The following MLLT3 variants were observed in gnomAD, a reference collection of about 807,000 sequenced individuals.
MLLT3 encodes protein AF-9.
A neutral mutation model predicts 53.2 loss-of-function variants in MLLT3; 4 were observed. That is an observed-to-expected ratio of 0.08 (90% CI 0.04 to 0.17). MLLT3 has a LOEUF of 0.17. Among genes scored for constraint, MLLT3 ranks in the 10% least tolerant of loss-of-function variants. MLLT3 has a pLI of 1.00. For missense variants in MLLT3, 569 were observed against 684.0 expected, an observed-to-expected ratio of 0.83 and a Z score of 1.87; for synonymous variants, 283 against 230.6, an observed-to-expected ratio of 1.23 and a Z score of -2.06.
Position 20,439,540 on chromosome 9 carries a change from T to C in MLLT3, c.420+8583A>G, listed in dbSNP as rs12004720. Among the ~76,000 whole-genome samples, 1,364 of 152,010 alleles carry C rather than the reference T, an allele frequency of 9.0e-3. 14 individuals carry two copies. Among genetic ancestry groups the C allele is most frequent in the African/African-American group, 0.029 (1,206 of 41,444 alleles). On this transcript the variant is annotated intron_variant, in intron 4 of 10. Transcript: ENST00000380338. ...AGTTCTTTTGTTCTCAATGTTAAAATTTCTGGGTCTTAAGCCAGTAAGTTT... is the reference window on the plus strand; with the variant it reads ...AGTTCTTTTGTTCTCAATGTTAAAACTTCTGGGTCTTAAGCCAGTAAGTTT...
chr9:20,371,187 A>C (rs1821590317), intron 5 of MLLT3, among the ~76,000 whole-genome samples: 1 of 152,244 alleles, frequency 6.6e-6, no homozygotes. Context: ...CATAAGGTTT[A>C]GGGAAATAAG....
intron 4 of MLLT3, among the ~76,000 whole-genome samples, chr9:20,428,111 T>C (rs113002415): frequency 2.6e-5 from 4 of 152,182 alleles, no homozygotes; most frequent in South Asian, 2.1e-4. Context: ...CTCAGAAAGA[T>C]AGTTGCTAAA....
intron 2 of MLLT3, among the ~76,000 whole-genome samples, chr9:20,506,211 C>T (rs1395364319): frequency 1.3e-5 from 2 of 152,108 alleles, no homozygotes; most frequent in African/African-American, 4.8e-5. Flanking sequence ...CACACCACCA[C>T]GCCCAGCTAG....
At chr9:20,605,151 T>C (rs941355261) in intron 2 of MLLT3, among the ~76,000 whole-genome samples, 2 of 152,090 alleles carry the variant, frequency 1.3e-5, no homozygotes, top group Non-Finnish European at 2.9e-5. Context: ...ATAGAAGACC[T>C]AAAACAACTG....
At chr9:20,438,175 G>A (rs1823452239) in intron 4 of MLLT3, among the ~76,000 whole-genome samples, 2 of 152,192 alleles carry the variant, frequency 1.3e-5, no homozygotes, top group Non-Finnish European at 2.9e-5. Context: ...CAAGAAAGAT[G>A]TATTTATTAT....
intron 2 of MLLT3, among the ~76,000 whole-genome samples, chr9:20,613,387 T>C (rs980732167): frequency 6.6e-6 from 1 of 152,186 alleles, no homozygotes; most frequent in Non-Finnish European, 1.5e-5. Flanking sequence ...AACATATATG[T>C]GCAAAATAAA....
At chr9:20,441,303 TAAG>T (rs1458696305) in intron 4 of MLLT3, among the ~76,000 whole-genome samples, 2 of 152,164 alleles carry the variant, frequency 1.3e-5, no homozygotes, top group Non-Finnish European at 2.9e-5. Context: ...TGTGTGACTT[TAAG>T]AAGACATTAA....
chr9:20,543,761 AAGGAGG>A (rs956100771), intron 2 of MLLT3, among the ~76,000 whole-genome samples: 8 of 151,304 alleles, frequency 5.3e-5, no homozygotes, highest in African/African-American at 1.9e-4. Context: ...AAGGAAGGAA[AAGGAGG>A]AGGAGGAGGA....
intron 2 of MLLT3, among the ~76,000 whole-genome samples, chr9:20,602,008 A>C (rs1820436401): frequency 6.6e-6 from 1 of 152,188 alleles, no homozygotes; most frequent in African/African-American, 2.4e-5. Flanking sequence ...CAACCTCAAC[A>C]GAAACACAGA....
chr9:20,548,456 T>C (rs796536379), intron 2 of MLLT3, among the ~76,000 whole-genome samples: 11 of 152,306 alleles, frequency 7.2e-5, no homozygotes, highest in African/African-American at 2.6e-4. Flanking sequence ...ATATTTTAAG[T>C]TTTCCAGGGG....
At chr9:20,619,174 C>G (rs1820921578) in intron 2 of MLLT3, among the ~76,000 whole-genome samples, 1 of 152,194 alleles carries the variant, frequency 6.6e-6, no homozygotes, top group South Asian at 2.1e-4. Flanking sequence ...ATATAATAAT[C>G]TCTGACTATA....
At chr9:20,469,065 C>G (rs1387814992) in intron 2 of MLLT3, among the ~76,000 whole-genome samples, 1 of 152,098 alleles carries the variant, frequency 6.6e-6, no homozygotes, top group East Asian at 1.9e-4. Context: ...TAAAGGAATA[C>G]TAAATATTGC....
In MLLT3 at chr9:20,621,487, T is replaced by C. The variant is rs1270847618; in HGVS notation, c.13-653A>G. On this transcript the variant is annotated intron_variant, in intron 1 of 10. Transcript: ENST00000380338. The surrounding 1 kb of genome is among the most constrained non-coding windows in gnomAD (Gnocchi z 7.0). ...GCCCGCAGGAAAACACGCCGAGGCA[T>C]CCATAACTTAGAGCACCCCGCACCC... Among the ~76,000 whole-genome samples, 1 of 151,648 alleles carries C rather than the reference T, an allele frequency of 6.6e-6. No homozygotes were observed. The highest frequency in any genetic ancestry group is 6.6e-5 in the Admixed American group (1 of 15,260).
At chr9:20,386,916 T>C (rs1822050913) in intron 5 of MLLT3, among the ~76,000 whole-genome samples, 1 of 152,246 alleles carries the variant, frequency 6.6e-6, no homozygotes, top group Non-Finnish European at 1.5e-5. Context: ...ATTGTCTTAA[T>C]GTATTAAGTT....
intron 2 of MLLT3, among the ~76,000 whole-genome samples, chr9:20,560,502 T>C (rs1278826563): frequency 2.0e-5 from 3 of 152,208 alleles, no homozygotes; most frequent in African/African-American, 7.2e-5. Context: ...AAACAGTTCC[T>C]GCTCTTTGGA....
intron 5 of MLLT3, among the ~76,000 whole-genome samples, chr9:20,408,209 A>C (rs1161671646): frequency 1.3e-5 from 2 of 152,194 alleles, no homozygotes; most frequent in East Asian, 3.9e-4. Context: ...TTAATTTAAG[A>C]ACTGAGATAC....
At chr9:20,550,513 C>G (rs1421050153) in intron 2 of MLLT3, among the ~76,000 whole-genome samples, 2 of 151,784 alleles carry the variant, frequency 1.3e-5, no homozygotes, top group African/African-American at 4.8e-5. Flanking sequence ...TCACCATAAC[C>G]TCGGCCTCCC....
intron 2 of MLLT3, among the ~76,000 whole-genome samples, chr9:20,608,311 T>A (rs1308350615): frequency 1.3e-5 from 2 of 151,830 alleles, no homozygotes; most frequent in East Asian, 3.9e-4. Context: ...TCTAGAAAAA[T>A]TTTTAACACT....
chr9:20,365,799 TA>T, intron 5 of MLLT3, 55 bp from the exon 6 acceptor site: 1 of 1,575,472 alleles, frequency 6.3e-7, no homozygotes, highest in African/African-American at 1.3e-5. Context: ...ACCACACATC[TA>T]AAGTTGAAAA....
Sources: gnomAD v4.1 joint callset for allele counts (sites outside exome capture counted in the v4.1 genomes callset) on GRCh38, gnomAD v4.1.1 for gene constraint, Gnocchi (gnomAD v3.1) non-coding constraint, MANE v1.5 for transcripts, NCBI Gene and HGNC (gene_info 2026-07-23, HGNC 2026-07-21) for gene names.